IL13RA1: variants seen among roughly 807,000 people sequenced by gnomAD.
IL13RA1 encodes interleukin-13 receptor subunit alpha-1.
Under a neutral mutation model 33.8 loss-of-function variants are expected in IL13RA1, and 14 were observed. The observed-to-expected ratio is 0.41, with a 90% CI of 0.27 to 0.65. The LOEUF (loss-of-function observed/expected upper bound fraction) is 0.65, where lower values mean the gene tolerates loss of function less well. IL13RA1 is among the 30% of genes least tolerant of loss of function. IL13RA1 has a pLI of 0.28. For synonymous variants in IL13RA1, 116 were observed against 115.7 expected (o/e 1.00, Z -0.02); for missense variants, 313 against 327.0 (o/e 0.96, Z 0.33).
the IL13RA1 span, among the ~76,000 whole-genome samples, chrX:118,799,943 G>C: frequency 1.7e-4 from 16 of 96,093 alleles, no homozygotes; most frequent in African/African-American, 5.9e-4. Flanking sequence ...CTCAGGGATT[G>C]TAAATACACC....
Position 118,794,281 on chromosome X carries a change from T to C in IL13RA1, c.*2427T>C, listed in dbSNP as rs187330745. The stretch of plus-strand genomic sequence containing the variant: ...GTATCAGTGGATTTCCCATCCCCTG[T>C]GGGAAATTAGTAGGCTCATTTACTG... On this transcript the variant is annotated 3_prime_UTR_variant, in exon 11 of 11. Coordinates refer to ENST00000371666, the MANE Select transcript of IL13RA1 (RefSeq NM_001560.3). 8.0e-5 allele frequency: 9 copies of C among 112,532 alleles called. No homozygotes were observed. In the East Asian group the frequency reaches 2.5e-3, roughly 32 times the overall value. 9.3% of individuals were successfully genotyped at this position (112,532 alleles called of 1,213,427 possible).
intron 4 of IL13RA1, among the ~76,000 whole-genome samples, chrX:118,751,470 GGATA>G (rs2017468892): frequency 2.7e-5 from 3 of 111,421 alleles, no homozygotes; most frequent in African/African-American, 9.8e-5. Context: ...TGTTGCAGAG[GGATA>G]GATAGATTCC....
chrX:118,741,007 A>G lies in IL13RA1; in HGVS notation c.89-10A>G, dbSNP rs369573595. ...ATAAATTCATTTTTTTTTGTCCTTGATTTGAACAGAAACTCAGCCACCTGT... is the reference window on the plus strand; with the variant it reads ...ATAAATTCATTTTTTTTTGTCCTTGGTTTGAACAGAAACTCAGCCACCTGT... On this transcript the variant is annotated splice_polypyrimidine_tract_variant and intron_variant, in intron 1 of 10. Coordinates refer to ENST00000371666, the MANE Select transcript of IL13RA1 (RefSeq NM_001560.3). 1.6e-4 allele frequency: 169 copies of G among 1,089,349 alleles called. No homozygotes were observed. Among genetic ancestry groups the G allele is most frequent in the Non-Finnish European group, 1.9e-4 (151 of 788,451 alleles). 89.8% of individuals were successfully genotyped at this position (1,089,349 alleles called of 1,213,427 possible).
downstream of IL13RA1, among the ~76,000 whole-genome samples, chrX:118,798,557 G>A (rs2018044764): frequency 8.9e-6 from 1 of 111,738 alleles, no homozygotes; most frequent in Admixed American, 9.5e-5. Context: ...ATCCTGAAAT[G>A]GTTGTTCTCT....
At chrX:118,765,707 T>C (rs1017369383) in intron 6 of IL13RA1, among the ~76,000 whole-genome samples, 3 of 112,366 alleles carry the variant, frequency 2.7e-5, no homozygotes, top group Non-Finnish European at 5.6e-5. Flanking sequence ...CATATGATTG[T>C]CTCTAGTAGA....
At chrX:118,731,966 C>T (rs2017226315) in intron 1 of IL13RA1, among the ~76,000 whole-genome samples, 1 of 111,991 alleles carries the variant, frequency 8.9e-6, no homozygotes, top group Non-Finnish European at 1.9e-5. Context: ...TGTATACACA[C>T]ACAGTTCACA....
chrX:118,800,379 G>A, the IL13RA1 span, among the ~76,000 whole-genome samples: 5 of 110,713 alleles, frequency 4.5e-5, no homozygotes, highest in African/African-American at 9.9e-5. Flanking sequence ...GAAGACCTGC[G>A]GCTTCACTCC....
chrX:118,748,040 C>CGTGTGT (rs2017427910), intron 3 of IL13RA1, among the ~76,000 whole-genome samples: 2 of 53,849 alleles, frequency 3.7e-5, no homozygotes, highest in Non-Finnish European at 7.5e-5. Flanking sequence ...TGTGTGTGTA[C>CGTGTGT]ACACACAAAA....
intron 10 of IL13RA1, among the ~76,000 whole-genome samples, chrX:118,779,536 G>A (rs1387768052): frequency 9.0e-6 from 1 of 111,640 alleles, no homozygotes; most frequent in Non-Finnish European, 1.9e-5. Flanking sequence ...AAATGGGTCC[G>A]AATGAATGAT....
the IL13RA1 span, among the ~76,000 whole-genome samples, chrX:118,800,794 TA>T: frequency 3.6e-5 from 4 of 110,053 alleles, no homozygotes; most frequent in Non-Finnish European, 5.7e-5. Flanking sequence ...TTATTTTATT[TA>T]TTTTTTTTGA....
At chrX:118,750,241 G>A (rs1388800156) in intron 4 of IL13RA1, among the ~76,000 whole-genome samples, 6 of 110,826 alleles carry the variant, frequency 5.4e-5, no homozygotes, top group East Asian at 2.8e-4. Context: ...ACTCACCTCC[G>A]TCTTAAACCA....
chrX:118,745,216 C>T (rs1569454942), intron 2 of IL13RA1, among the ~76,000 whole-genome samples: 1 of 111,754 alleles, frequency 8.9e-6, no homozygotes, highest in Non-Finnish European at 1.9e-5. Context: ...TCCCTGTCGG[C>T]AGAGCCTATA....
chrX:118,803,093 C>T, the IL13RA1 span, among the ~76,000 whole-genome samples: 1 of 112,393 alleles, frequency 8.9e-6, no homozygotes, highest in Non-Finnish European at 1.9e-5. Context: ...TGCCTCATTT[C>T]CTGTTCCTTG....
In IL13RA1 at chrX:118,727,624, G is replaced by A; in HGVS notation, c.-15G>A. The A allele has an allele frequency of 4.4e-6, 4 of 913,887 alleles. No individual in the cohort carries two copies. Among genetic ancestry groups the A allele is most frequent in the Non-Finnish European group, 5.4e-6 (4 of 734,132 alleles). The allele number at this position is 913,887 out of a possible 1,213,427, so 75.3% of individuals were successfully genotyped here. On this transcript the variant is annotated 5_prime_UTR_variant, in exon 1 of 11. Transcript: ENST00000371666. ...CAAGGCTCCAGCCCGGCCGGGCTCC[G>A]AGGCGAGAGGCTGCATGGAGTGGCC...
At chrX:118,754,895 G>C (rs1181733801) in intron 4 of IL13RA1, among the ~76,000 whole-genome samples, 1 of 107,915 alleles carries the variant, frequency 9.3e-6, no homozygotes, top group Non-Finnish European at 1.9e-5. Context: ...AACTGCCAGA[G>C]ACTGTTTTCC....
At chrX:118,766,161 G>GT (rs1053164415) in intron 6 of IL13RA1, among the ~76,000 whole-genome samples, 1 of 111,524 alleles carries the variant, frequency 9.0e-6, no homozygotes, top group Non-Finnish European at 1.9e-5. Flanking sequence ...AATATGGGAG[G>GT]TTTTTTTGGT....
chrX:118,753,316 A>T (rs1382100279), intron 4 of IL13RA1, among the ~76,000 whole-genome samples: 2 of 112,640 alleles, frequency 1.8e-5, no homozygotes, highest in Non-Finnish European at 3.8e-5. Context: ...ATTACAAAAA[A>T]ACCTGGACTG....
chrX:118,798,537 C>T (rs1305812047), downstream of IL13RA1, among the ~76,000 whole-genome samples: 2 of 111,526 alleles, frequency 1.8e-5, no homozygotes, highest in Non-Finnish European at 3.8e-5. Flanking sequence ...GTTTGCTGCC[C>T]TCCTGATCCA....
chrX:118,801,108 T>C, the IL13RA1 span, among the ~76,000 whole-genome samples: 1 of 112,713 alleles, frequency 8.9e-6, no homozygotes, highest in South Asian at 3.6e-4. Flanking sequence ...TTTTGTAAAA[T>C]CATTTTTTGT....
Sources: gnomAD v4.1 joint callset for allele counts (sites outside exome capture counted in the v4.1 genomes callset) on GRCh38, gnomAD v4.1.1 for gene constraint, MANE v1.5 for transcripts, NCBI Gene and HGNC (gene_info 2026-07-23, HGNC 2026-07-21) for gene names.